ROBO2: variants seen among roughly 807,000 people sequenced by gnomAD.
ROBO2 encodes the protein roundabout guidance receptor 2.
Under a neutral mutation model 160.8 loss-of-function variants are expected in ROBO2, and 53 were observed. The observed-to-expected ratio is 0.33, with a 90% confidence interval of 0.26 to 0.41. ROBO2 has a LOEUF of 0.41. Among genes scored for constraint, ROBO2 ranks in the 10% least tolerant of loss-of-function variants. The pLI, the probability that ROBO2 is intolerant of heterozygous loss-of-function variation, is 1.00. For missense variants in ROBO2, 1,577 were observed against 1,722.4 expected, an observed-to-expected ratio of 0.92 and a Z score of 1.49; for synonymous variants, 664 against 611.7, an observed-to-expected ratio of 1.09 and a Z score of -1.26.
chr3:77,280,313 A>G (rs2153370115), intron 2 of ROBO2, among the ~76,000 whole-genome samples: 1 of 152,328 alleles, frequency 6.6e-6, no homozygotes, highest in South Asian at 2.1e-4. Flanking sequence ...TAGTTCAACT[A>G]TTATGTTCCC....
At chr3:76,000,825 A>T (rs1466043538) in intron 2 of ROBO2, among the ~76,000 whole-genome samples, 1 of 152,052 alleles carries the variant, frequency 6.6e-6, no homozygotes, top group Non-Finnish European at 1.5e-5. Flanking sequence ...ATACAACCTA[A>T]ATTTTAGCAT....
At chr3:76,049,403 A>ATATATATATATATATTTTTTTT (rs1414664360) in intron 2 of ROBO2, among the ~76,000 whole-genome samples, 1 of 53,752 alleles carries the variant, frequency 1.9e-5, no homozygotes, top group African/African-American at 1.5e-4. Flanking sequence ...ATATATATAT[A>ATATATATATATATATTTTTTTT]TTTTTTTTTT....
At chr3:76,519,524 C>T (rs1227723021) in intron 2 of ROBO2, among the ~76,000 whole-genome samples, 3 of 152,106 alleles carry the variant, frequency 2.0e-5, no homozygotes, top group Admixed American at 6.5e-5. Context: ...GGTGGGTACA[C>T]GACAGTCAGG....
intron 2 of ROBO2, among the ~76,000 whole-genome samples, chr3:76,266,466 T>G (rs1707107644): frequency 6.6e-6 from 1 of 152,130 alleles, no homozygotes. Flanking sequence ...CATAAAAAGT[T>G]TGCTGCCTCT....
intron 2 of ROBO2, among the ~76,000 whole-genome samples, chr3:76,286,567 G>C (rs935235374): frequency 3.3e-5 from 5 of 152,318 alleles, no homozygotes; most frequent in Admixed American, 3.3e-4. Context: ...GACAGAGGTT[G>C]AGAAATCCAT....
chr3:76,948,890 ATATATATATATATATATATT>A (rs1318947791), intron 2 of ROBO2, among the ~76,000 whole-genome samples: 1 of 26,418 alleles, frequency 3.8e-5, no homozygotes, highest in African/African-American at 1.2e-4. Flanking sequence ...ATATATATAT[ATATATATATATATATATATT>A]TTTTTTTTTT....
At chr3:77,113,417 G>T (rs2073876649) in intron 2 of ROBO2, among the ~76,000 whole-genome samples, 1 of 152,186 alleles carries the variant, frequency 6.6e-6, no homozygotes, top group Admixed American at 6.5e-5. Context: ...GTACTTATTT[G>T]GTTCTTGGGG....
chr3:76,098,160 A>C (rs2069531266), intron 2 of ROBO2, among the ~76,000 whole-genome samples: 1 of 152,124 alleles, frequency 6.6e-6, no homozygotes, highest in African/African-American at 2.4e-5. Context: ...ATAAATATTC[A>C]GGGTTGAGAG....
chr3:77,119,166 T>G (rs2074495759), intron 2 of ROBO2, among the ~76,000 whole-genome samples: 1 of 152,210 alleles, frequency 6.6e-6, no homozygotes, highest in African/African-American at 2.4e-5. Context: ...CCTTCTGCCA[T>G]GATTGTAAGT....
At chr3:75,979,806 A>G (rs1164965574) in intron 2 of ROBO2, among the ~76,000 whole-genome samples, 4 of 151,642 alleles carry the variant, frequency 2.6e-5, no homozygotes, top group Non-Finnish European at 5.9e-5. Context: ...AATTTCTTCC[A>G]AAGTATAAAT....
intron 1 of ROBO2, among the ~76,000 whole-genome samples, chr3:75,918,480 T>C (rs1179241709): frequency 1.3e-5 from 2 of 152,220 alleles, no homozygotes; most frequent in East Asian, 3.8e-4. Context: ...GCCTCCAGCT[T>C]TGTTCTTTTT....
intron 2 of ROBO2, among the ~76,000 whole-genome samples, chr3:76,206,055 G>A: frequency 6.6e-6 from 1 of 152,122 alleles, no homozygotes; most frequent in Admixed American, 6.5e-5. Flanking sequence ...TCCCCCTGGA[G>A]CCCAGTTATT....
chr3:76,423,924 C>A (rs2076101886), intron 2 of ROBO2, among the ~76,000 whole-genome samples: 1 of 152,090 alleles, frequency 6.6e-6, no homozygotes, highest in South Asian at 2.1e-4. Context: ...CCCTGTCCAG[C>A]AGTAGAGCCT....
At chr3:76,429,124 G>T (rs1577126020) in intron 2 of ROBO2, among the ~76,000 whole-genome samples, 1 of 151,866 alleles carries the variant, frequency 6.6e-6, no homozygotes, top group Middle Eastern at 3.4e-3. Context: ...ACATTAATAA[G>T]ATAACAAGCA....
At chr3:77,317,997 ATTTAT>A (rs925177485) in intron 2 of ROBO2, among the ~76,000 whole-genome samples, 9 of 151,098 alleles carry the variant, frequency 6.0e-5, no homozygotes, top group African/African-American at 2.2e-4. Flanking sequence ...AGGTGGGGTG[ATTTAT>A]TTTATTTTAT....
intron 2 of ROBO2, among the ~76,000 whole-genome samples, chr3:76,580,256 A>G (rs1336218047): frequency 8.8e-6 from 1 of 114,080 alleles, no homozygotes; most frequent in African/African-American, 3.3e-5. Context: ...TTAATTTTTT[A>G]TTTGCTAGAG....
chr3:77,252,831 A>AAAAATAT, intron 2 of ROBO2, among the ~76,000 whole-genome samples: 1 of 12,520 alleles, frequency 8.0e-5, no homozygotes, highest in African/African-American at 1.6e-4. Flanking sequence ...AAAAAAAAAA[A>AAAAATAT]ATATATATAT....
At chr3:76,549,708 A>G (rs1560131417) in intron 2 of ROBO2, among the ~76,000 whole-genome samples, 1 of 152,186 alleles carries the variant, frequency 6.6e-6, no homozygotes, top group African/African-American at 2.4e-5. Context: ...TTTCTCCAGA[A>G]GCACCCTACT....
At chr3:77,498,334 T>C (rs1266230422) in intron 5 of ROBO2, among the ~76,000 whole-genome samples, 1 of 152,218 alleles carries the variant, frequency 6.6e-6, no homozygotes, top group Non-Finnish European at 1.5e-5. Context: ...TTTTTACGTA[T>C]GCCTGCAAAT....
Sources: allele counts gnomAD v4.1 joint callset (sites outside exome capture counted in the v4.1 genomes callset), GRCh38; gene constraint gnomAD v4.1.1; transcripts MANE v1.5; gene names NCBI Gene and HGNC (gene_info 2026-07-23, HGNC 2026-07-21).